The following DNAH6 variants were observed in gnomAD, a reference collection of about 807,000 sequenced individuals.
DNAH6 encodes the protein axonemal beta dynein heavy chain 6.
Under a neutral mutation model 491.4 loss-of-function variants are expected in DNAH6, and 340 were observed. The ratio of observed to expected loss-of-function variants is 0.69; its 90% CI spans 0.63 to 0.76. The LOEUF (loss-of-function observed/expected upper bound fraction) is 0.76. Ranked by LOEUF, DNAH6 falls within the 30% of genes least tolerant of loss-of-function variation. DNAH6 has a pLI of 0.00. For synonymous variants in DNAH6, 1,603 were observed against 1,686.1 expected (o/e 0.95, Z 1.21); for missense variants, 4,443 against 4,972.2 (o/e 0.89, Z 3.20).
chr2:84,728,086 C>T (rs1367922697), intron 61 of DNAH6, among the ~76,000 whole-genome samples, 184 bp downstream of exon 61: 1 of 152,190 alleles, frequency 6.6e-6, no homozygotes, highest in Non-Finnish European at 1.5e-5. Context: ...CTCATGAGAC[C>T]TGATGGTTTT....
At chr2:84,483,685 T>A in the DNAH6 span, among the ~76,000 whole-genome samples, 1 of 152,196 alleles carries the variant, frequency 6.6e-6, no homozygotes, top group Non-Finnish European at 1.5e-5. Context: ...AACCTTATTT[T>A]AAAATAATTA....
chr2:84,759,880 T>C (rs973479382), intron 63 of DNAH6, among the ~76,000 whole-genome samples: 7 of 152,194 alleles, frequency 4.6e-5, no homozygotes, highest in African/African-American at 1.7e-4. Context: ...AAGGCTATAG[T>C]AGCCTTGTAA....
chr2:84,624,077 C>T (rs1021973738), intron 26 of DNAH6, among the ~76,000 whole-genome samples, 188 bp from the exon 27 acceptor site: 3 of 152,166 alleles, frequency 2.0e-5, no homozygotes, highest in Admixed American at 6.5e-5. Flanking sequence ...GGGGTAAAGA[C>T]AGTATATATT....
chr2:84,566,084 C>T (rs1558724481), intron 11 of DNAH6, among the ~76,000 whole-genome samples: 2 of 151,908 alleles, frequency 1.3e-5, no homozygotes, highest in African/African-American at 2.4e-5. Context: ...GCATTTAGAC[C>T]GCTTAACTAA....
intron 14 of DNAH6, 71 bp from the exon 15 acceptor site, chr2:84,583,928 C>T: frequency 6.6e-7 from 1 of 1,505,638 alleles, no homozygotes; most frequent in Non-Finnish European, 9.1e-7. Flanking sequence ...TGTCTGTCTC[C>T]TGTTAGAACA....
intron 26 of DNAH6, among the ~76,000 whole-genome samples, chr2:84,623,241 A>G (rs1255194766): frequency 6.6e-6 from 1 of 152,234 alleles, no homozygotes; most frequent in Non-Finnish European, 1.5e-5. Flanking sequence ...AAATAGATCA[A>G]TGGGATTGCA....
intron 13 of DNAH6, among the ~76,000 whole-genome samples, chr2:84,578,442 G>A (rs1289858206): frequency 1.3e-5 from 2 of 152,128 alleles, no homozygotes; most frequent in African/African-American, 4.8e-5. Context: ...ATTGGCATAT[G>A]TATCTAAAAA....
Position 84,579,597 on chromosome 2 carries a change from C to T in DNAH6, c.2147C>T (p.Ala716Val). The change falls in exon 14 of 77, where the codon GCA becomes GTA. Residue 716 changes from alanine to valine, a missense_variant. Transcript: ENST00000389394. ...VDAIIFEAQD[A>V]EYKLEFVPTT... is the part of the protein sequence containing the mutation. ...GCCATTATCTTTGAGGCACAAGATG[C>T]AGAGTATAAACTTGAGTTTGTTCCA... The T allele has an allele frequency of 1.2e-6, 2 of 1,613,258 alleles. No individual in the cohort carries two copies. Among genetic ancestry groups the T allele is most frequent in the Admixed American group, 1.7e-5 (1 of 59,956 alleles).
intron 63 of DNAH6, among the ~76,000 whole-genome samples, chr2:84,762,006 G>A (rs371063950): frequency 3.7e-4 from 56 of 152,278 alleles, no homozygotes; most frequent in African/African-American, 1.3e-3. Flanking sequence ...CCTTGAAGAG[G>A]AGACACCTTT....
intron 9 of DNAH6, among the ~76,000 whole-genome samples, chr2:84,552,323 A>T (rs1679472176): frequency 6.6e-6 from 1 of 152,180 alleles, no homozygotes; most frequent in Admixed American, 6.5e-5. Flanking sequence ...CCCTATGGGA[A>T]CAATAATGGA....
Position 84,594,048 on chromosome 2 carries a change from T to C in DNAH6, c.2687T>C (p.Phe896Ser). The change falls in exon 17 of 77, where the codon TTC becomes TCC. Residue 896 changes from phenylalanine (F) to serine (S), a missense_variant. Phe to Ser is a radical substitution (Grantham distance 155). Around this residue, in one of 3 missense-constraint regions of DNAH6, gnomAD observed 2,977 missense variants for 3,296.6 expected, o/e 0.90. Transcript: ENST00000389394. ...LKLKQLLWDS[F>S]SEWDKLQQEW... is the part of the protein sequence containing the mutation. ...CTCAAACAATTGCTCTGGGATTCTT[T>C]CTCTGAATGGGATAAACTCCAACAA... 6.4e-7 allele frequency: 1 copy of C among 1,550,660 alleles called. No individual in the cohort carries two copies.
intron 60 of DNAH6, among the ~76,000 whole-genome samples, chr2:84,723,848 A>G (rs1211314369): frequency 6.6e-6 from 1 of 152,068 alleles, no homozygotes; most frequent in Non-Finnish European, 1.5e-5. Flanking sequence ...AGCAGCATTC[A>G]TTTTTTCTCA....
At chr2:84,733,315 T>G in intron 61 of DNAH6, 129 bp from the exon 62 acceptor site, 1 of 722,758 alleles carries the variant, frequency 1.4e-6, no homozygotes, top group South Asian at 2.1e-5. Context: ...TTCACCATAT[T>G]GTACTACTTG....
At chr2:84,660,436 ACT>A (rs1212613557) in intron 37 of DNAH6, among the ~76,000 whole-genome samples, 1 of 152,002 alleles carries the variant, frequency 6.6e-6, no homozygotes, top group Non-Finnish European at 1.5e-5. Flanking sequence ...AGAAAGAAAA[ACT>A]CTTTCTTATG....
chr2:84,680,055 T>C (rs1693634535), intron 41 of DNAH6, among the ~76,000 whole-genome samples: 1 of 152,208 alleles, frequency 6.6e-6, no homozygotes, highest in Non-Finnish European at 1.5e-5. Flanking sequence ...TTTGAGATGG[T>C]CCTACATAAA....
At chr2:84,584,955 A>G (rs1309908316) in intron 15 of DNAH6, 1 of 152,288 alleles carries the variant, frequency 6.6e-6, no homozygotes, top group Non-Finnish European at 1.5e-5. Context: ...ATATTTGGTT[A>G]CCTTGTACCA....
Position 84,709,056 on chromosome 2 carries a change from G to T in DNAH6, c.9049-287G>T, listed in dbSNP as rs559072294. ...CAACAGGGAAAATACAAACCTGGTT[G>T]AAAACCACTGCGACAACCCAGTCAT... On this transcript the variant is annotated intron_variant, in intron 54 of 76. Transcript: ENST00000389394. Among the ~76,000 whole-genome samples, 4 of 152,322 alleles carry T rather than the reference G, an allele frequency of 2.6e-5. No individual in the cohort carries two copies. In the South Asian group the frequency reaches 6.2e-4, roughly 24 times the overall value.
In DNAH6 at chr2:84,547,457, A is replaced by C. The variant is rs1678891125; in HGVS notation, c.1066-35A>C. 3.9e-6 allele frequency: 6 copies of C among 1,551,586 alleles called. No individual in the cohort carries two copies. The East Asian group carries it at 1.5e-4, about 38-fold the overall frequency. ...CTTTTTTCCCTATTTTTGATACTTC[A>C]GTATCACTAACTGTACATATTCAAC... is the stretch of plus-strand genomic sequence containing the variant. On this transcript the variant is annotated intron_variant, in intron 6 of 76. Coordinates refer to ENST00000389394, the MANE Select transcript of DNAH6 (RefSeq NM_001370.2).
intron 64 of DNAH6, among the ~76,000 whole-genome samples, chr2:84,775,411 C>T (rs1676024775): frequency 6.6e-6 from 1 of 152,042 alleles, no homozygotes; most frequent in South Asian, 2.1e-4. Context: ...ATTCACTTTC[C>T]TAGTATTTTG....
Sources: gnomAD v4.1 joint callset for allele counts (sites outside exome capture counted in the v4.1 genomes callset) on GRCh38, gnomAD v4.1.1 for gene constraint, gnomAD v4.1.1 regional missense constraint, MANE v1.5 for transcripts, NCBI Gene and HGNC (gene_info 2026-07-23, HGNC 2026-07-21) for gene names.